The following ZNF541 variants were observed in gnomAD, a reference collection of about 807,000 sequenced individuals.
ZNF541 encodes zinc finger protein 541.
In ZNF541, 23 loss-of-function variants were observed where a neutral mutation model predicts 123.5. That is an observed-to-expected ratio of 0.19 (90% CI 0.13 to 0.26). ZNF541 has a LOEUF of 0.26. Ranked by LOEUF, ZNF541 falls within the 10% of genes least tolerant of loss-of-function variation. The probability of loss-of-function intolerance (pLI) is 1.00; values close to 1 mark genes in which losing one functional copy is unlikely to be tolerated. For missense variants in ZNF541, 1,612 were observed against 1,789.9 expected (o/e 0.90, Z 1.79); for synonymous variants, 751 against 754.5 (o/e 1.00, Z 0.08).
intron 12 of ZNF541, among the ~76,000 whole-genome samples, chr19:47,530,426 C>G (rs1969514511): frequency 6.6e-6 from 1 of 151,534 alleles, no homozygotes; most frequent in Non-Finnish European, 1.5e-5. Context: ...TCAGGTGATC[C>G]ACCCCCGCCT....
intron 14 of ZNF541, among the ~76,000 whole-genome samples, chr19:47,526,979 T>G (rs1390497611): frequency 6.6e-6 from 1 of 152,188 alleles, no homozygotes; most frequent in East Asian, 1.9e-4. Context: ...ATCCACCCAG[T>G]GGAATACTAT....
intron 9 of ZNF541, among the ~76,000 whole-genome samples, chr19:47,535,786 G>C (rs997780690): frequency 3.3e-5 from 5 of 149,930 alleles, no homozygotes; most frequent in Admixed American, 2.7e-4. Context: ...GAAATGGCAT[G>C]GTCTCGGCTT....
chr19:47,540,998 C>T (rs944176255), intron 5 of ZNF541, 47 bp from the exon 6 acceptor site: 1 of 1,516,778 alleles, frequency 6.6e-7, no homozygotes, highest in African/African-American at 1.4e-5. Flanking sequence ...AATGAAGAGG[C>T]AAGAAGAGCT....
chr19:47,550,839 C>T (rs1053115305), intron 3 of ZNF541, among the ~76,000 whole-genome samples: 1 of 152,016 alleles, frequency 6.6e-6, no homozygotes, highest in Non-Finnish European at 1.5e-5. Flanking sequence ...TGTTGTAGAG[C>T]TAGGCTTGGT....
chr19:47,546,198 C>T (rs1017370792), intron 4 of ZNF541, among the ~76,000 whole-genome samples: 39 of 127,750 alleles, frequency 3.1e-4, no homozygotes, highest in Non-Finnish European at 3.8e-4. Context: ...AAACCCCTTA[C>T]AGAAAAGTAA....
Position 47,555,638 on chromosome 19 carries a change from G to A in ZNF541, c.219C>T (p.Asp73=). ...MSSEVLEDNL[D]TLSLYSGKDS... ...CCTTCCCGGAGTACAGGGACAAGGT[G>A]TCTAAGTTGTCCTCCAGCACCTCGC... The change falls in exon 3 of 17, where the codon GAC becomes GAT. Residue 73 remains aspartate (D), a synonymous_variant. Transcript: ENST00000391901. 1 of 1,551,666 alleles carries A rather than the reference G, an allele frequency of 6.4e-7. No homozygotes were observed. The highest frequency in any genetic ancestry group is 8.7e-7 in the Non-Finnish European group (1 of 1,146,996).
At chr19:47,571,040 A>T (rs185398867) in intron 2 of ZNF541, among the ~76,000 whole-genome samples, 5 of 152,264 alleles carry the variant, frequency 3.3e-5, no homozygotes, top group Admixed American at 2.0e-4. Flanking sequence ...GCAGACACGC[A>T]TCTAAAAGAA....
In ZNF541 at chr19:47,540,818, T is replaced by C. The variant is rs115445577; in HGVS notation, c.2462+75A>G. ...GACTGAAAGCATCCTCCCCACTCACTTGTCCAGGGCCGGCACAGGAAGGCC... is the reference window on the plus strand; with the variant it reads ...GACTGAAAGCATCCTCCCCACTCACCTGTCCAGGGCCGGCACAGGAAGGCC... On this transcript the variant is annotated intron_variant, in intron 6 of 16. Transcript: ENST00000391901. The C allele has an allele frequency of 5.3e-3, 7,607 of 1,440,910 alleles. 108 individuals are homozygous for C. The highest frequency in any genetic ancestry group is 0.038 in the African/African-American group (2,677 of 70,320). The allele number at this position is 1,440,910 out of a possible 1,614,324, so 89.3% of individuals were successfully genotyped here.
In ZNF541 at chr19:47,545,418, C is replaced by T; in HGVS notation, c.1111G>A (p.Asp371Asn). 6.7e-7 allele frequency: 1 copy of T among 1,489,294 alleles called. No homozygotes were observed. The highest frequency in any genetic ancestry group is 1.4e-5 in the African/African-American group (1 of 70,982). The allele number at this position is 1,489,294 out of a possible 1,614,324, so 92.3% of individuals were successfully genotyped here. Residue 371 changes from aspartate to asparagine, a missense_variant, in exon 5 of 17, where the codon GAT becomes AAT. Transcript: ENST00000391901. This position sits in a 1 kb window ranked among gnomAD's most constrained non-coding sequence, Gnocchi z 7.5. Reference protein sequence around the residue: ...GAPDPPEPEPDTALLQARSTA... With the variant: ...GAPDPPEPEPNTALLQARSTA... ...GACCGGGCCTGGAGCAGCGCGGTATCTGGCTCCGGCTCTGGCGGGTCGGGG... is the reference window on the plus strand; with the variant it reads ...GACCGGGCCTGGAGCAGCGCGGTATTTGGCTCCGGCTCTGGCGGGTCGGGG...
chr19:47,563,904 C>T (rs1385551857), intron 2 of ZNF541, among the ~76,000 whole-genome samples: 1 of 152,180 alleles, frequency 6.6e-6, no homozygotes, highest in African/African-American at 2.4e-5. Context: ...CCGCGCCTGG[C>T]CTAAAAATCG....
At position 47,521,661 on chromosome 19, in the gene ZNF541, A is replaced by G. The variant is rs56279176; in HGVS notation, c.3712-7T>C. 8,687 of 1,551,288 alleles carry G rather than the reference A, an allele frequency of 5.6e-3. 420 individuals are homozygous for G. The African/African-American group carries it at 0.1, about 19-fold the overall frequency. On this transcript the variant is annotated splice_polypyrimidine_tract_variant and splice_region_variant and intron_variant, in intron 15 of 16. Transcript: ENST00000391901. This position sits in a 1 kb window ranked among gnomAD's most constrained non-coding sequence, Gnocchi z 4.2. ...CCCGAGGGCTGCATGGGACCTGCAG[A>G]GGGAGCAAAAGTGACATAAGGGTGC...
In ZNF541 at chr19:47,521,784, C is replaced by T; in HGVS notation, c.3711+70G>A. 6.5e-7 allele frequency: 1 copy of T among 1,532,100 alleles called. No homozygotes were observed. Among genetic ancestry groups the T allele is most frequent in the Non-Finnish European group, 8.8e-7 (1 of 1,135,698 alleles). 94.9% of individuals were successfully genotyped at this position (1,532,100 alleles called of 1,614,324 possible). ...GGAGCACCCCCGCCCTCTGACCCCA[C>T]CGTCCAACTCAACGGGTAGCAGGCA... On this transcript the variant is annotated intron_variant, in intron 15 of 16. Coordinates refer to ENST00000391901, the MANE Select transcript of ZNF541 (RefSeq NM_001277075.3). The surrounding 1 kb of genome is among the most constrained non-coding windows in gnomAD (Gnocchi z 4.2).
chr19:47,535,761 C>T (rs145939412), intron 9 of ZNF541, among the ~76,000 whole-genome samples: 5 of 145,162 alleles, frequency 3.4e-5, no homozygotes, highest in East Asian at 2.3e-4. Flanking sequence ...TTAGCTCTTT[C>T]GCCCAGGCTA....
intron 9 of ZNF541, among the ~76,000 whole-genome samples, chr19:47,535,289 C>T (rs941224840): frequency 3.3e-5 from 5 of 152,190 alleles, no homozygotes; most frequent in African/African-American, 1.2e-4. Context: ...ACAAGAGTGA[C>T]TCTGCATGAC....
At chr19:47,564,418 G>C (rs1971184050) in intron 2 of ZNF541, among the ~76,000 whole-genome samples, 1 of 152,124 alleles carries the variant, frequency 6.6e-6, no homozygotes, top group Non-Finnish European at 1.5e-5. Flanking sequence ...AATTCAACAA[G>C]AGTTTTAGCA....
Position 47,521,530 on chromosome 19 carries a change from A to G in ZNF541, c.3836T>C (p.Leu1279Pro), listed in dbSNP as rs1179229326. 2 of 1,551,592 alleles carry G rather than the reference A, an allele frequency of 1.3e-6. No homozygotes were observed. Among genetic ancestry groups the G allele is most frequent in the Admixed American group, 2.0e-5 (1 of 50,988 alleles). Residue 1279 changes from leucine (L) to proline (P), a missense_variant, in exon 16 of 17, where the codon CTG becomes CCG. Leu to Pro is a moderately conservative substitution (Grantham distance 98). This residue lies in a region of ZNF541 where 285 missense variants were observed against 407.3 expected (regional missense o/e 0.70). Transcript: ENST00000391901. The surrounding 1 kb of genome is among the most constrained non-coding windows in gnomAD (Gnocchi z 4.2). The stretch of plus-strand genomic sequence containing the variant: ...GCCCTGGCTCTCTGCACTTCCCAAC[A>G]GCTCGGGGGTCCGCTTGGAGCCTGC... The part of the protein sequence containing the change: ...PNAGSKRTPE[L>P]LGSAESQGIF...
chr19:47,548,442 C>CAAAAAAAAAAAAAAAAAAAA (rs574466068), intron 4 of ZNF541, among the ~76,000 whole-genome samples: 3 of 60,384 alleles, frequency 5.0e-5, no homozygotes, highest in Non-Finnish European at 4.2e-5. Flanking sequence ...GACTCCATCT[C>CAAAAAAAAAAAAAAAAAAAA]AAAAAAAAAA....
At position 47,545,809 on chromosome 19, in the gene ZNF541, G is replaced by A. The variant is rs1323331642; in HGVS notation, c.720C>T (p.Pro240=). 9 of 1,545,862 alleles carry A rather than the reference G, an allele frequency of 5.8e-6. No individual in the cohort carries two copies. The highest frequency in any genetic ancestry group is 7.9e-6 in the Non-Finnish European group (9 of 1,145,100). Residue 240 remains proline (P), a synonymous_variant, in exon 5 of 17, where the codon CCC becomes CCT. Coordinates refer to ENST00000391901, the MANE Select transcript of ZNF541 (RefSeq NM_001277075.3). This position sits in a 1 kb window ranked among gnomAD's most constrained non-coding sequence, Gnocchi z 7.5. ...PPEEEACGDS[P]HAHESAGQPP... ...GCTGGCCGGCCGACTCGTGGGCGTG[G>A]GGGGAGTCCCCGCAGGCCTCTTCCT...
At position 47,545,083 on chromosome 19, in the gene ZNF541, G is replaced by A; in HGVS notation, c.1446C>T (p.Pro482=). 6.8e-7 allele frequency: 1 copy of A among 1,478,444 alleles called. No individual in the cohort carries two copies. Among genetic ancestry groups the A allele is most frequent in the Non-Finnish European group, 8.9e-7 (1 of 1,118,118 alleles). 91.6% of individuals were successfully genotyped at this position (1,478,444 alleles called of 1,614,324 possible). ...LPFPAALLRV[P]AEAPSDPRSA... ...ACCTGGGGTCGCTCGGGGCCTCCGCGGGGACCCTGAGGAGCGCGGCAGGGA... is the reference window on the plus strand; with the variant it reads ...ACCTGGGGTCGCTCGGGGCCTCCGCAGGGACCCTGAGGAGCGCGGCAGGGA... The change falls in exon 5 of 17, where the codon CCC becomes CCT. Residue 482 remains proline, a synonymous_variant. Coordinates refer to ENST00000391901, the MANE Select transcript of ZNF541 (RefSeq NM_001277075.3). This position sits in a 1 kb window ranked among gnomAD's most constrained non-coding sequence, Gnocchi z 7.5.
Sources: allele counts gnomAD v4.1 joint callset (sites outside exome capture counted in the v4.1 genomes callset), GRCh38; gene constraint gnomAD v4.1.1; regional missense constraint gnomAD v4.1.1; non-coding constraint Gnocchi (gnomAD v3.1); transcripts MANE v1.5; gene names NCBI Gene and HGNC (gene_info 2026-07-23, HGNC 2026-07-21).